Variants in RAB43 observed in about 807,000 individuals in gnomAD.
The protein encoded by RAB43 is ras-related protein Rab-43.
In RAB43, 6 loss-of-function variants were observed where a neutral mutation model predicts 18.8. The observed-to-expected ratio is 0.32, with a 90% CI of 0.17 to 0.63. RAB43 has a LOEUF of 0.63. Ranked by LOEUF, RAB43 falls within the 30% of genes least tolerant of loss-of-function variation. The pLI is 0.79. For synonymous variants in RAB43, 103 were observed against 124.1 expected (o/e 0.83, Z 1.13); for missense variants, 195 against 289.1 (o/e 0.67, Z 2.36).
At chr3:129,092,462 C>CATT (rs750822455) in intron 2 of RAB43, 14 of 686,854 alleles carry the variant, frequency 2.0e-5, no homozygotes, top group Non-Finnish European at 3.7e-5. Flanking sequence ...CCTGGGGGCT[C>CATT]ATTATTATAC....
At chr3:129,105,688 G>A (rs1012117472) in intron 1 of RAB43, among the ~76,000 whole-genome samples, 27 of 150,642 alleles carry the variant, frequency 1.8e-4, no homozygotes, top group Non-Finnish European at 1.0e-4. Context: ...GCTGAGGCAG[G>A]AGAATCACTT....
At chr3:129,109,204 A>G (rs1934982987) in intron 1 of RAB43, among the ~76,000 whole-genome samples, 1 of 152,014 alleles carries the variant, frequency 6.6e-6, no homozygotes. Flanking sequence ...AGGTCAGGAG[A>G]TCGAGACCAT....
intron 1 of RAB43, among the ~76,000 whole-genome samples, chr3:129,113,310 C>T (rs145399471): frequency 3.8e-4 from 58 of 152,172 alleles, no homozygotes; most frequent in African/African-American, 1.2e-3. Flanking sequence ...GGATTACAGG[C>T]ATGCGCCACC....
At chr3:129,116,318 C>A (rs1935523305) in intron 1 of RAB43, among the ~76,000 whole-genome samples, 2 of 152,172 alleles carry the variant, frequency 1.3e-5, no homozygotes, top group Non-Finnish European at 2.9e-5. Context: ...TCTAAGAAAC[C>A]TCGAGAGGCA....
intron 2 of RAB43, among the ~76,000 whole-genome samples, chr3:129,094,762 C>T (rs1933925906): frequency 6.6e-6 from 1 of 151,984 alleles, no homozygotes; most frequent in South Asian, 2.1e-4. Flanking sequence ...TGTGATCCGC[C>T]CGCCTCAGCC....
chr3:129,120,088 T>A (rs1935809786), intron 1 of RAB43, among the ~76,000 whole-genome samples: 1 of 152,104 alleles, frequency 6.6e-6, no homozygotes, highest in South Asian at 2.1e-4. Context: ...ACGATTAAAA[T>A]ATAATAATAA....
rs1933522063 is a variant in RAB43 at position 129,089,711 on chromosome 3, T to TG, written c.*1384dup. The TG allele has an allele frequency of 1.6e-5, 1 of 63,640 alleles. No homozygotes were observed. The highest frequency in any genetic ancestry group is 3.5e-5 in the Non-Finnish European group (1 of 28,624). 3.9% of individuals were successfully genotyped at this position (63,640 alleles called of 1,614,324 possible). On this transcript the variant is annotated 3_prime_UTR_variant, in exon 3 of 3. Coordinates refer to ENST00000315150, the MANE Select transcript of RAB43 (RefSeq NM_198490.3). ...TGCTGTAAGGCCTGCTCTTGCCCTA[T>TG]GGCCAGGCCTGCCTGGAAAGTGCTT...
intron 1 of RAB43, among the ~76,000 whole-genome samples, chr3:129,115,994 T>A (rs1256649971): frequency 2.0e-5 from 3 of 152,210 alleles, no homozygotes; most frequent in Non-Finnish European, 4.4e-5. Context: ...GTTCAAAGAA[T>A]CCTTATTTTA....
intron 1 of RAB43, among the ~76,000 whole-genome samples, chr3:129,113,789 G>A (rs1030160078): frequency 6.6e-6 from 1 of 152,186 alleles, no homozygotes; most frequent in African/African-American, 2.4e-5. Context: ...AGCACTTTGG[G>A]AGGCTGAGGC....
At chr3:129,101,622 C>A (rs1281803403) in intron 1 of RAB43, among the ~76,000 whole-genome samples, 1 of 152,114 alleles carries the variant, frequency 6.6e-6, no homozygotes, top group Non-Finnish European at 1.5e-5. Flanking sequence ...GGCAGGGGAA[C>A]AGGACAAAGG....
At chr3:129,092,515 TACTTG>T (rs1400897222) in intron 2 of RAB43, 1 of 700,114 alleles carries the variant, frequency 1.4e-6, no homozygotes, top group Non-Finnish European at 2.6e-6. Context: ...TAATTCCAAC[TACTTG>T]GAGGTTGAGG....
chr3:129,093,013 C>G (rs1933782665), intron 2 of RAB43, among the ~76,000 whole-genome samples: 1 of 151,506 alleles, frequency 6.6e-6, no homozygotes, highest in South Asian at 2.1e-4. Flanking sequence ...TTTTGGAAGA[C>G]AGAGTCTTAC....
At position 129,095,109 on chromosome 3, in the gene RAB43, G is replaced by A. The variant is rs766032888; in HGVS notation, c.265C>T (p.Arg89Cys). The change falls in exon 2 of 3, where the codon CGC (arginine) becomes TGC (cysteine). Residue 89 changes from arginine to cysteine, a missense_variant. Transcript: ENST00000315150. The surrounding 1 kb of genome is among the most constrained non-coding windows in gnomAD (Gnocchi z 4.2). ...GCAAGGATGGCCCCATTGGCACTGC[G>A]GTAGTAGCTCTGGGTGATGGTGCGG... is the stretch of plus-strand genomic sequence containing the variant. ...RFRTITQSYY[R>C]SANGAILAYD... 29 of 1,613,818 alleles carry A rather than the reference G, an allele frequency of 1.8e-5. No homozygotes were observed. The highest frequency in any genetic ancestry group is 2.2e-5 in the East Asian group (1 of 44,880).
At chr3:129,108,663 T>G (rs1340436421) in intron 1 of RAB43, among the ~76,000 whole-genome samples, 1 of 152,184 alleles carries the variant, frequency 6.6e-6, no homozygotes, top group Non-Finnish European at 1.5e-5. Flanking sequence ...CTCGACAGAG[T>G]ACCACCTTCC....
chr3:129,094,335 G>A (rs992103645), intron 2 of RAB43, among the ~76,000 whole-genome samples: 1 of 152,052 alleles, frequency 6.6e-6, no homozygotes. Flanking sequence ...ATGCTCACAG[G>A]CCATGTGGAC....
chr3:129,120,948 T>C (rs1425452848), intron 1 of RAB43, among the ~76,000 whole-genome samples: 1 of 152,072 alleles, frequency 6.6e-6, no homozygotes. Context: ...GGCGCTCCGC[T>C]AGTACCTGGA....
At position 129,121,081 on chromosome 3, in the gene RAB43, C is replaced by G. The variant is rs987299941; in HGVS notation, c.204+205G>C. On this transcript the variant is annotated intron_variant, in intron 1 of 2. Coordinates refer to ENST00000315150, the MANE Select transcript of RAB43 (RefSeq NM_198490.3). ...CCACACTCCCTCGCCCCCCCCCCCC[C>G]CAGCAACCCACGGCCGGCGCTTTGA... Among the ~76,000 whole-genome samples the G allele has an allele frequency of 2.2e-4, 22 of 100,182 alleles. 1 individual carries two copies. The highest frequency in any genetic ancestry group is 6.8e-4 in the African/African-American group (18 of 26,478). 65.7% of individuals were successfully genotyped at this position (100,182 alleles called of 152,430 possible). A position where few individuals can be genotyped will look rare whatever the true frequency, so the allele number is the denominator to read the frequency against.
intron 1 of RAB43, among the ~76,000 whole-genome samples, chr3:129,102,985 G>A (rs1301440467): frequency 1.3e-5 from 2 of 152,228 alleles, no homozygotes; most frequent in Non-Finnish European, 2.9e-5. Flanking sequence ...CAGAAGGCAA[G>A]TAGACCCACC....
At chr3:129,106,926 G>A (rs1459903852) in intron 1 of RAB43, among the ~76,000 whole-genome samples, 2 of 152,190 alleles carry the variant, frequency 1.3e-5, no homozygotes, top group African/African-American at 2.4e-5. Context: ...CCACCAGCAC[G>A]TGATGAGGGA....
Sources: gnomAD v4.1 joint callset for allele counts (sites outside exome capture counted in the v4.1 genomes callset) on GRCh38, gnomAD v4.1.1 for gene constraint, Gnocchi (gnomAD v3.1) non-coding constraint, MANE v1.5 for transcripts, NCBI Gene and HGNC (gene_info 2026-07-23, HGNC 2026-07-21) for gene names.